The following ZFP90 variants were observed in gnomAD, a reference collection of about 807,000 sequenced individuals.
ZFP90 encodes the protein ZFP90 zinc finger protein.
Under a neutral mutation model 60.8 loss-of-function variants are expected in ZFP90, and 38 were observed. That is an observed-to-expected ratio of 0.62 (90% CI 0.48 to 0.82). ZFP90 has a LOEUF of 0.82. Among genes scored for constraint, ZFP90 ranks in the 40% least tolerant of loss-of-function variants. ZFP90 has a pLI of 0.00. For synonymous variants in ZFP90, 287 were observed against 264.8 expected (o/e 1.08, Z -0.82); for missense variants, 711 against 759.1 (o/e 0.94, Z 0.74).
chr16:68,551,609 A>G (rs1170262256), intron 2 of ZFP90, among the ~76,000 whole-genome samples: 13 of 151,742 alleles, frequency 8.6e-5, no homozygotes, highest in Admixed American at 8.5e-4. Context: ...TAGTAGAGAC[A>G]GGGTTTTGCC....
intron 4 of ZFP90, chr16:68,562,612 A>G: frequency 4.9e-6 from 1 of 202,146 alleles, no homozygotes; most frequent in South Asian, 1.0e-4. Flanking sequence ...TCTCTGCAGC[A>G]TTTGGAGACC....
intron 4 of ZFP90, among the ~76,000 whole-genome samples, chr16:68,560,248 C>G (rs915669507): frequency 6.6e-6 from 1 of 152,172 alleles, no homozygotes; most frequent in Non-Finnish European, 1.5e-5. Flanking sequence ...TTTCCTCACA[C>G]CAGCAAGAAA....
intron 4 of ZFP90, among the ~76,000 whole-genome samples, chr16:68,559,016 A>G (rs912439298): frequency 1.3e-5 from 2 of 151,714 alleles, no homozygotes; most frequent in African/African-American, 4.8e-5. Flanking sequence ...TCTTCCTTCC[A>G]TCTCATGTTC....
intron 2 of ZFP90, among the ~76,000 whole-genome samples, chr16:68,549,890 G>A (rs2091228928): frequency 6.6e-6 from 1 of 152,046 alleles, no homozygotes. Context: ...ATTATGGTCA[G>A]AATAGGATGT....
chr16:68,571,598 G>T (rs977090864), downstream of ZFP90, among the ~76,000 whole-genome samples: 2 of 152,076 alleles, frequency 1.3e-5, no homozygotes, highest in Non-Finnish European at 2.9e-5. Flanking sequence ...AATGAGCACT[G>T]ATGCTCCTCA....
chr16:68,559,902 T>C (rs1024665513), intron 4 of ZFP90, among the ~76,000 whole-genome samples: 2 of 152,076 alleles, frequency 1.3e-5, no homozygotes, highest in African/African-American at 4.8e-5. Flanking sequence ...AGGGTCTTGC[T>C]CTGTCACCCA....
chr16:68,540,146 T>G (rs917498812), intron 2 of ZFP90, among the ~76,000 whole-genome samples: 1 of 151,462 alleles, frequency 6.6e-6, no homozygotes, highest in Admixed American at 6.6e-5. Flanking sequence ...ATGGAGAGAG[T>G]GGGGTCACAG....
chr16:68,562,778 T>C, intron 4 of ZFP90: 1 of 657,148 alleles, frequency 1.5e-6, no homozygotes, highest in Admixed American at 2.9e-5. Flanking sequence ...CCTAACACAG[T>C]CCTGCTCACT....
At chr16:68,561,893 A>G (rs367584056) in intron 4 of ZFP90, among the ~76,000 whole-genome samples, 2 of 152,130 alleles carry the variant, frequency 1.3e-5, no homozygotes, top group Non-Finnish European at 2.9e-5. Flanking sequence ...TATTAGGAAC[A>G]TTTTCAAATA....
At chr16:68,571,725 C>T (rs553548538), downstream of ZFP90, among the ~76,000 whole-genome samples, 10 of 152,156 alleles carry the variant, frequency 6.6e-5, no homozygotes, top group Admixed American at 2.6e-4. Flanking sequence ...GGCCAGGAGT[C>T]GAGACCAGCC....
Position 68,544,238 on chromosome 16 carries a change from G to A in ZFP90, c.33+4413G>A, listed in dbSNP as rs573613462. 4.0e-4 allele frequency among the ~76,000 whole-genome samples: 61 copies of A among 152,272 alleles called. 1 individual carries two copies. The South Asian group carries it at 0.012, about 29-fold the overall frequency. On this transcript the variant is annotated intron_variant, in intron 2 of 4. Coordinates refer to ENST00000563169, the MANE Select transcript of ZFP90 (RefSeq NM_001305203.2). ...CATTCTTAAAGTTGAAGCCACCAGAGCAGTAAGAAATGAGAGAAGTTTTAA... is the reference window on the plus strand; with the variant it reads ...CATTCTTAAAGTTGAAGCCACCAGAACAGTAAGAAATGAGAGAAGTTTTAA...
intron 2 of ZFP90, among the ~76,000 whole-genome samples, chr16:68,540,440 G>C (rs2091021091): frequency 6.6e-6 from 1 of 152,194 alleles, no homozygotes; most frequent in African/African-American, 2.4e-5. Context: ...CCCACCGCCA[G>C]AAGTCCAGCC....
chr16:68,569,136 C>CTTTTTTTT (rs35827680), downstream of ZFP90, among the ~76,000 whole-genome samples: 4 of 123,044 alleles, frequency 3.3e-5, no homozygotes, highest in Admixed American at 9.2e-5. Context: ...ATTAGTCCCA[C>CTTTTTTTT]TTTTTTTTTT....
At chr16:68,560,628 G>C (rs950402286) in intron 4 of ZFP90, among the ~76,000 whole-genome samples, 1 of 151,618 alleles carries the variant, frequency 6.6e-6, no homozygotes, top group Non-Finnish European at 1.5e-5. Context: ...GTGATCTGAG[G>C]TCACTGTAAC....
chr16:68,572,590 C>CTGATCCA (rs1449206443), intron 2 of ZFP90, among the ~76,000 whole-genome samples: 3 of 152,240 alleles, frequency 2.0e-5, no homozygotes, highest in African/African-American at 4.8e-5. Flanking sequence ...TAAGGAGGTT[C>CTGATCCA]TGATCCAGAG....
At chr16:68,569,533 T>C (rs1280068059), downstream of ZFP90, among the ~76,000 whole-genome samples, 2 of 152,192 alleles carry the variant, frequency 1.3e-5, no homozygotes, top group Non-Finnish European at 1.5e-5. Flanking sequence ...ACTTCTCTCT[T>C]TAACCTCTGC....
downstream of ZFP90, chr16:68,567,276 C>T (rs1178592862): frequency 1.7e-6 from 1 of 581,028 alleles, no homozygotes; most frequent in African/African-American, 2.0e-5. Context: ...ACTTTAAAGA[C>T]ATTGTGCTAG....
chr16:68,550,846 T>C (rs1387005584), intron 2 of ZFP90, among the ~76,000 whole-genome samples: 1 of 152,138 alleles, frequency 6.6e-6, no homozygotes, highest in East Asian at 1.9e-4. Context: ...TCAGGAGACA[T>C]TTCTGAGGCT....
chr16:68,548,646 A>G (rs2091199017), intron 2 of ZFP90, among the ~76,000 whole-genome samples: 1 of 151,762 alleles, frequency 6.6e-6, no homozygotes, highest in Admixed American at 6.6e-5. Flanking sequence ...ATGCACCTCC[A>G]CACCCGGCTA....
Sources: allele counts gnomAD v4.1 joint callset (sites outside exome capture counted in the v4.1 genomes callset), GRCh38; gene constraint gnomAD v4.1.1; transcripts MANE v1.5; gene names NCBI Gene and HGNC (gene_info 2026-07-23, HGNC 2026-07-21).